The following COPG1 variants were observed in gnomAD, a reference collection of about 807,000 sequenced individuals.
COPG1 encodes the protein coatomer subunit gamma-1.
COPG1 carries 29 observed loss-of-function variants against 102.8 expected under a neutral mutation model. The ratio of observed to expected loss-of-function variants is 0.28; its 90% confidence interval spans 0.21 to 0.38. The LOEUF is 0.38. COPG1 is among the 10% of genes least tolerant of loss of function. The pLI is 1.00. For missense variants in COPG1, 875 were observed against 1,132.7 expected (o/e 0.77, Z 3.27); for synonymous variants, 406 against 421.6 (o/e 0.96, Z 0.45).
At chr3:129,264,426 C>T (rs1275502391) in intron 13 of COPG1, among the ~76,000 whole-genome samples, 2 of 152,154 alleles carry the variant, frequency 1.3e-5, no homozygotes, top group African/African-American at 4.8e-5. Context: ...TTGGACGTCT[C>T]AACAAAATGG....
In COPG1 at chr3:129,260,329, A is replaced by C; in HGVS notation, c.872-4A>C. The C allele has an allele frequency of 6.2e-7, 1 of 1,614,008 alleles. No homozygotes were observed. Among genetic ancestry groups the C allele is most frequent in the Non-Finnish European group, 8.5e-7 (1 of 1,179,976 alleles). Reference sequence around the variant, plus strand: ...CCTGACATGTGGCATCCATCTCCCCACAGTGCTCCAGCTTTTCTGCAGCTC... The same window carrying C: ...CCTGACATGTGGCATCCATCTCCCCCCAGTGCTCCAGCTTTTCTGCAGCTC... On this transcript the variant is annotated splice_polypyrimidine_tract_variant and splice_region_variant and intron_variant, in intron 10 of 23. Transcript: ENST00000314797.
intron 23 of COPG1, among the ~76,000 whole-genome samples, chr3:129,276,787 G>A (rs149323654): frequency 6.7e-6 from 1 of 149,964 alleles, no homozygotes; most frequent in East Asian, 2.0e-4. Context: ...CCACTTTGTA[G>A]TTGAGGATAC....
In COPG1 at chr3:129,252,783, G is replaced by T. The variant is rs1939726632; in HGVS notation, c.243+89G>T. 11 of 1,541,864 alleles carry T rather than the reference G, an allele frequency of 7.1e-6. No homozygotes were observed. In the South Asian group the frequency reaches 1.2e-4, roughly 17 times the overall value. On this transcript the variant is annotated intron_variant, in intron 4 of 23. Transcript: ENST00000314797. Reference sequence around the variant, plus strand: ...AAGAGAGCTGGCCCCACCAGTCAGTGTGGGCTGCCTTTGTGGAGACAGGAG... The same window carrying T: ...AAGAGAGCTGGCCCCACCAGTCAGTTTGGGCTGCCTTTGTGGAGACAGGAG...
chr3:129,268,662 T>C (rs1255730064), intron 17 of COPG1, 42 bp downstream of exon 17: 9 of 1,607,174 alleles, frequency 5.6e-6, no homozygotes, highest in Non-Finnish European at 7.6e-6. Context: ...AGGCCAGGCC[T>C]CTGTTGGAGG....
In COPG1 at chr3:129,265,730, C is replaced by A. The variant is rs1181694331; in HGVS notation, c.1406C>A (p.Pro469His). 3 of 1,614,012 alleles carry A rather than the reference C, an allele frequency of 1.9e-6. No individual in the cohort carries two copies. In the African/African-American group the frequency reaches 4.0e-5, roughly 22 times the overall value. ...LGQEGPKTTN[P>H]SKYIRFIYNR... ...CAGGAGGGGCCCAAGACCACCAATC[C>A]CTCAAAGTACATCCGCTTCATCTAT... The change falls in exon 14 of 24, where the codon CCC (proline) becomes CAC (histidine). Residue 469 changes from proline to histidine, a missense_variant. Pro to His is a moderately conservative substitution (Grantham distance 77, BLOSUM62 -2). Coordinates refer to ENST00000314797, the MANE Select transcript of COPG1 (RefSeq NM_016128.4).
chr3:129,271,801 T>C lies in COPG1; in HGVS notation c.1878T>C (p.Leu626=), dbSNP rs755872403. 2 of 1,614,082 alleles carry C rather than the reference T, an allele frequency of 1.2e-6. No homozygotes were observed. Among genetic ancestry groups the C allele is most frequent in the South Asian group, 1.1e-5 (1 of 91,084 alleles). The change falls in exon 19 of 24, where the codon CTT becomes CTC. Residue 626 remains leucine, a synonymous_variant. Coordinates refer to ENST00000314797, the MANE Select transcript of COPG1 (RefSeq NM_016128.4). This position sits in a 1 kb window ranked among gnomAD's most constrained non-coding sequence, Gnocchi z 4.7. ...CAGCAGTGCCAGAGTTCCGCGGTCT[T>C]GGGCCCCTCTTCAAGTCCTCGCCTG... The part of the protein sequence containing the change: ...QLAAVPEFRG[L]GPLFKSSPEP...
In COPG1 at chr3:129,275,962, A is replaced by G. The variant is rs1940263899; in HGVS notation, c.2494+670A>G. Reference sequence around the variant, plus strand: ...CTTGCTATTACAGATGTTACAGTAAATAATCGTGTACACACACACACACAC... The same window carrying G: ...CTTGCTATTACAGATGTTACAGTAAGTAATCGTGTACACACACACACACAC... On this transcript the variant is annotated intron_variant, in intron 23 of 23. Transcript: ENST00000314797. This position sits in a 1 kb window ranked among gnomAD's most constrained non-coding sequence, Gnocchi z 5.0. Among the ~76,000 whole-genome samples the G allele has an allele frequency of 7.0e-6, 1 of 143,624 alleles. No individual in the cohort carries two copies. Among genetic ancestry groups the G allele is most frequent in the Non-Finnish European group, 1.5e-5 (1 of 67,622 alleles). The allele number at this position is 143,624 out of a possible 152,430, so 94.2% of individuals were successfully genotyped here.
intron 7 of COPG1, among the ~76,000 whole-genome samples, chr3:129,255,481 TTTC>T (rs1410804356): frequency 2.9e-5 from 4 of 136,160 alleles, no homozygotes; most frequent in Non-Finnish European, 4.6e-5. Flanking sequence ...CTGGCCTCTC[TTTC>T]TTCTTTTTTT....
chr3:129,255,109 G>A (rs1249961953), intron 7 of COPG1, 32 bp downstream of exon 7: 1 of 1,467,406 alleles, frequency 6.8e-7, no homozygotes, highest in South Asian at 1.2e-5. Context: ...CCTGCTGGGG[G>A]TGGGGTAGAA....
chr3:129,251,803 T>C (rs1939706089), intron 2 of COPG1, among the ~76,000 whole-genome samples: 1 of 152,144 alleles, frequency 6.6e-6, no homozygotes, highest in Non-Finnish European at 1.5e-5. Context: ...TTCTCCTGCC[T>C]CGGCCTCCCG....
In COPG1 at chr3:129,256,137, G is replaced by A. The variant is rs1939804052; in HGVS notation, c.562G>A (p.Asp188Asn). The stretch of plus-strand genomic sequence containing the variant: ...TGAGGCTCAGGAGGCAGCATCCAGT[G>A]ATAACATCATGGTCCAGGTGAGATG... ...VNEAQEAASS[D>N]NIMVQYHALG... Residue 188 changes from aspartate to asparagine, a missense_variant, in exon 8 of 24, where the codon GAT becomes AAT. By Grantham distance (23) the Asp-to-Asn change is conservative. Coordinates refer to ENST00000314797, the MANE Select transcript of COPG1 (RefSeq NM_016128.4). 1.2e-6 allele frequency: 2 copies of A among 1,613,750 alleles called. No individual in the cohort carries two copies. The highest frequency in any genetic ancestry group is 8.5e-7 in the Non-Finnish European group (1 of 1,179,822).
intron 2 of COPG1, among the ~76,000 whole-genome samples, chr3:129,251,158 C>T (rs1171889441): frequency 4.0e-5 from 6 of 150,778 alleles, no homozygotes; most frequent in African/African-American, 9.7e-5. Flanking sequence ...CTCCTGACCT[C>T]GTGATCCACC....
At position 129,274,951 on chromosome 3, in the gene COPG1, C is replaced by T. The variant is rs1484672141; in HGVS notation, c.2370C>T (p.Thr790=). The T allele has an allele frequency of 1.9e-6, 3 of 1,614,152 alleles. No homozygotes were observed. Among genetic ancestry groups the T allele is most frequent in the African/African-American group, 1.3e-5 (1 of 75,034 alleles). Residue 790 remains threonine, a synonymous_variant, in exon 22 of 24, where the codon ACC becomes ACT. Transcript: ENST00000314797. ...GDEFEKEETF[T]LSTIKTLEEA... ...AATTTGAGAAGGAGGAAACGTTCAC[C>T]TTGTCTACCATCAAGACACTTGAAG...
Position 129,257,504 on chromosome 3 carries a change from A to G in COPG1, c.614A>G (p.Lys205Arg). 2 of 1,614,236 alleles carry G rather than the reference A, an allele frequency of 1.2e-6. No individual in the cohort carries two copies. The highest frequency in any genetic ancestry group is 1.7e-6 in the Non-Finnish European group (2 of 1,180,044). Residue 205 changes from lysine (K) to arginine (R), a missense_variant, in exon 9 of 24, where the codon AAG becomes AGG. Coordinates refer to ENST00000314797, the MANE Select transcript of COPG1 (RefSeq NM_016128.4). Reference protein sequence around the residue: ...HALGLLYHVRKNDRLAVNKMI... With the variant: ...HALGLLYHVRRNDRLAVNKMI... ...CTAGGGCTCCTGTACCATGTGCGTA[A>G]GAATGACCGCCTAGCCGTCAATAAG...
At position 129,249,614 on chromosome 3, in the gene COPG1, C is replaced by T. The variant is rs555883828; in HGVS notation, c.-96C>T. ...CGCTGGGCGACGTGGCCAGTCGGGG[C>T]CCGGAAGTGGTCCCTGTAGAACCAC... On this transcript the variant is annotated 5_prime_UTR_variant, in exon 1 of 24. Coordinates refer to ENST00000314797, the MANE Select transcript of COPG1 (RefSeq NM_016128.4). 189 of 1,410,228 alleles carry T rather than the reference C, an allele frequency of 1.3e-4. 1 individual carries two copies. The highest frequency in any genetic ancestry group is 1.0e-3 in the South Asian group (80 of 78,934). 87.4% of individuals were successfully genotyped at this position (1,410,228 alleles called of 1,614,324 possible).
rs1024751528 is a variant in COPG1, at chr3:129,260,521, A to G, written c.940-98A>G. The G allele has an allele frequency of 7.3e-6, 11 of 1,507,002 alleles. No individual in the cohort carries two copies. In the African/African-American group the frequency reaches 8.3e-5, roughly 11 times the overall value. The allele number at this position is 1,507,002 out of a possible 1,614,324, so 93.4% of individuals were successfully genotyped here. A position where few individuals can be genotyped will look rare whatever the true frequency, so the allele number is the denominator to read the frequency against. The stretch of plus-strand genomic sequence containing the variant: ...CACAGTTAGTTTCTTCTAGATGGTG[A>G]GATGATCTCATCCAAAGGACTTCTG... On this transcript the variant is annotated intron_variant, in intron 11 of 23. Transcript: ENST00000314797.
intron 2 of COPG1, among the ~76,000 whole-genome samples, chr3:129,251,387 A>G (rs1939696810): frequency 6.9e-6 from 1 of 145,102 alleles, no homozygotes; most frequent in African/African-American, 2.5e-5. Flanking sequence ...ATATATATAT[A>G]TGTATTTTTT....
At chr3:129,259,460 C>CAAAAA (rs781019383) in intron 10 of COPG1, among the ~76,000 whole-genome samples, 5 of 47,404 alleles carry the variant, frequency 1.1e-4, no homozygotes, top group Non-Finnish European at 2.1e-4. Context: ...GACTCTATCT[C>CAAAAA]AAAAAAAAAA....
At chr3:129,266,331 G>A (rs1253441337) in intron 14 of COPG1, among the ~76,000 whole-genome samples, 1 of 151,820 alleles carries the variant, frequency 6.6e-6, no homozygotes, top group Non-Finnish European at 1.5e-5. Flanking sequence ...GTCTTGCTAT[G>A]TTGTCCAGGC....
Sources: allele counts gnomAD v4.1 joint callset (sites outside exome capture counted in the v4.1 genomes callset), GRCh38; gene constraint gnomAD v4.1.1; non-coding constraint Gnocchi (gnomAD v3.1); transcripts MANE v1.5; gene names NCBI Gene and HGNC (gene_info 2026-07-23, HGNC 2026-07-21).